The following PTPRJ variants were observed in gnomAD, a reference collection of about 807,000 sequenced individuals.
PTPRJ encodes the protein protein tyrosine phosphatase receptor type J.
PTPRJ carries 129 observed loss-of-function variants against 141.3 expected under a neutral mutation model. The ratio of observed to expected loss-of-function variants is 0.91; its 90% CI spans 0.79 to 1.06. The LOEUF is 1.06. Among genes scored for constraint, PTPRJ ranks in the 50% least tolerant of loss-of-function variants. The pLI is 0.00. For synonymous variants in PTPRJ, 610 were observed against 640.5 expected (o/e 0.95, Z 0.72); for missense variants, 1,601 against 1,679.7 (o/e 0.95, Z 0.82).
intron 1 of PTPRJ, among the ~76,000 whole-genome samples, chr11:48,071,179 A>G (rs1253057173): frequency 1.3e-5 from 2 of 152,200 alleles, no homozygotes; most frequent in African/African-American, 2.4e-5. Context: ...GGAACATTCT[A>G]TGGGGTTCCG....
chr11:48,139,188 C>G (rs1269698778), intron 10 of PTPRJ, among the ~76,000 whole-genome samples: 2 of 152,124 alleles, frequency 1.3e-5, no homozygotes, highest in Non-Finnish European at 2.9e-5. Flanking sequence ...GTTGCTACTT[C>G]TCACAGGATG....
At chr11:48,058,259 G>A (rs1854814285) in intron 1 of PTPRJ, among the ~76,000 whole-genome samples, 1 of 152,022 alleles carries the variant, frequency 6.6e-6, no homozygotes, top group African/African-American at 2.4e-5. Context: ...TCTCTGGTGT[G>A]CAGTGGTGTG....
At chr11:48,141,145 C>T (rs1857220911) in intron 11 of PTPRJ, among the ~76,000 whole-genome samples, 1 of 152,054 alleles carries the variant, frequency 6.6e-6, no homozygotes, top group Non-Finnish European at 1.5e-5. Context: ...TGAAACCAGC[C>T]TGGGCAACAT....
At chr11:48,006,345 G>C (rs1854622376) in intron 1 of PTPRJ, among the ~76,000 whole-genome samples, 1 of 152,168 alleles carries the variant, frequency 6.6e-6, no homozygotes, top group East Asian at 1.9e-4. Flanking sequence ...GGAAAGGAGG[G>C]CAGAATCTGC....
intron 3 of PTPRJ, among the ~76,000 whole-genome samples, chr11:48,116,242 A>C (rs1056537836): frequency 6.6e-6 from 1 of 152,190 alleles, no homozygotes; most frequent in African/African-American, 2.4e-5. Context: ...ACTCCATGCT[A>C]ATGGAAATCT....
At chr11:48,127,731 TC>T in intron 6 of PTPRJ, 48 bp from the exon 7 acceptor site, 2 of 1,590,612 alleles carry the variant, frequency 1.3e-6, no homozygotes, top group Non-Finnish European at 1.7e-6. Context: ...TCTCCCTCCC[TC>T]TGCCTTGGCC....
chr11:48,087,841 T>C (rs970285502), intron 1 of PTPRJ, among the ~76,000 whole-genome samples: 1 of 152,126 alleles, frequency 6.6e-6, no homozygotes, highest in Admixed American at 6.5e-5. Context: ...TCCCCTTCCT[T>C]CTTCTCCCTG....
chr11:48,139,573 A>G lies in PTPRJ; in HGVS notation c.2240A>G (p.Asn747Ser), dbSNP rs201419888. The G allele has an allele frequency of 4.2e-5, 67 of 1,614,242 alleles. No individual in the cohort carries two copies. Among genetic ancestry groups the G allele is most frequent in the Admixed American group, 1.2e-4 (7 of 60,032 alleles). Reference sequence around the variant, plus strand: ...AAATGGACCTGCCCTCCTGGCGCCAATGCAGGCTTTGAGCTGGAGGTCAGC... The same window carrying G: ...AAATGGACCTGCCCTCCTGGCGCCAGTGCAGGCTTTGAGCTGGAGGTCAGC... ...VLKWTCPPGA[N>S]AGFELEVSSG... is the part of the protein sequence containing the mutation. Residue 747 changes from asparagine to serine, a missense_variant, in exon 11 of 25, where the codon AAT becomes AGT. Coordinates refer to ENST00000418331, the MANE Select transcript of PTPRJ (RefSeq NM_002843.4).
chr11:48,078,940 T>G (rs73466824), intron 1 of PTPRJ, among the ~76,000 whole-genome samples: 2,304 of 152,058 alleles, frequency 0.015, 59 homozygotes, highest in African/African-American at 0.053. Context: ...TATGTACTTA[T>G]GTACTATCTG....
chr11:48,092,330 A>G (rs1675322312), intron 1 of PTPRJ, among the ~76,000 whole-genome samples: 1 of 148,802 alleles, frequency 6.7e-6, no homozygotes, highest in Non-Finnish European at 1.5e-5. Context: ...AAAAGAAAAA[A>G]AGAAATGCAG....
At chr11:48,012,570 G>A (rs1164229342) in intron 1 of PTPRJ, among the ~76,000 whole-genome samples, 2 of 152,188 alleles carry the variant, frequency 1.3e-5, no homozygotes, top group South Asian at 2.1e-4. Context: ...GATGTTCCAG[G>A]AGGCAAGAGC....
intron 1 of PTPRJ, among the ~76,000 whole-genome samples, chr11:48,002,186 G>A (rs1312235757): frequency 1.0e-4 from 15 of 148,570 alleles, no homozygotes; most frequent in African/African-American, 3.2e-4. Flanking sequence ...CACCCAGGCT[G>A]GAGTGCGGTG....
At chr11:48,075,857 C>T (rs1209069813) in intron 1 of PTPRJ, among the ~76,000 whole-genome samples, 2 of 152,186 alleles carry the variant, frequency 1.3e-5, no homozygotes, top group Non-Finnish European at 2.9e-5. Context: ...GCCTCATTCC[C>T]TGAGATGTAG....
At chr11:48,061,239 A>T (rs894073095) in intron 1 of PTPRJ, among the ~76,000 whole-genome samples, 1 of 151,916 alleles carries the variant, frequency 6.6e-6, no homozygotes, top group African/African-American at 2.4e-5. Flanking sequence ...GCCTCCCAAA[A>T]TGCTGGGATT....
At chr11:48,061,052 G>A (rs1157176776) in intron 1 of PTPRJ, among the ~76,000 whole-genome samples, 1 of 152,148 alleles carries the variant, frequency 6.6e-6, no homozygotes, top group Non-Finnish European at 1.5e-5. Flanking sequence ...CCAGGCTGGA[G>A]TGCAATGGCG....
intron 1 of PTPRJ, among the ~76,000 whole-genome samples, chr11:48,010,489 G>C (rs1458845143): frequency 6.6e-6 from 1 of 151,938 alleles, no homozygotes; most frequent in Admixed American, 6.6e-5. Context: ...TAGGTGCTCA[G>C]TAATTTGTTG....
At position 48,040,266 on chromosome 11, in the gene PTPRJ, C is replaced by T. The variant is rs116083018; in HGVS notation, c.96+59258C>T. ...GCACCAGGAACTCCATCATAGAGAC[C>T]GCAGGATGCTGTGTGCGCGCACATG... On this transcript the variant is annotated intron_variant, in intron 1 of 24. Transcript: ENST00000418331. Among the ~76,000 whole-genome samples the T allele has an allele frequency of 5.1e-3, 781 of 152,346 alleles. 10 individuals are homozygous for T. The highest frequency in any genetic ancestry group is 0.018 in the African/African-American group (747 of 41,584).
chr11:48,116,657 GATC>G (rs940176671), intron 3 of PTPRJ, among the ~76,000 whole-genome samples: 2 of 152,234 alleles, frequency 1.3e-5, no homozygotes, highest in African/African-American at 4.8e-5. Flanking sequence ...TCTCCAGGTA[GATC>G]ATATGTTAGA....
chr11:48,057,110 T>C (rs1287975312), intron 1 of PTPRJ, among the ~76,000 whole-genome samples: 1 of 152,026 alleles, frequency 6.6e-6, no homozygotes, highest in Non-Finnish European at 1.5e-5. Context: ...TACCGCAGAG[T>C]GACTGACTCT....
Sources: allele counts gnomAD v4.1 joint callset (sites outside exome capture counted in the v4.1 genomes callset), GRCh38; gene constraint gnomAD v4.1.1; transcripts MANE v1.5; gene names NCBI Gene and HGNC (gene_info 2026-07-23, HGNC 2026-07-21).